The following LCOR variants were observed in gnomAD, a reference collection of about 807,000 sequenced individuals.
The protein encoded by LCOR is ligand dependent nuclear receptor corepressor.
In LCOR, 14 loss-of-function variants were observed where a neutral mutation model predicts 64.4. The ratio of observed to expected loss-of-function variants is 0.22; its 90% CI spans 0.14 to 0.34. The LOEUF is 0.34. Ranked by LOEUF, LCOR falls within the 10% of genes least tolerant of loss-of-function variation. The pLI is 1.00. For synonymous variants in LCOR, 643 were observed against 642.5 expected (o/e 1.00, Z -0.01); for missense variants, 1,686 against 1,765.3 (o/e 0.96, Z 0.80).
intron 7 of LCOR, chr10:96,958,755 T>G (rs1018374839): frequency 8.1e-5 from 22 of 270,510 alleles, no homozygotes; most frequent in African/African-American, 4.1e-4. Context: ...TCTCTTTCTC[T>G]CTCTTTTTTT....
rs1491204310 is a variant in LCOR, at chr10:96,989,696, T to TATATATATATATATA, written c.*4562_*4563insATATATATATATATA. 11 of 64,608 alleles carry TATATATATATATATA rather than the reference T, an allele frequency of 1.7e-4. No individual in the cohort carries two copies. Among genetic ancestry groups the TATATATATATATATA allele is most frequent in the African/African-American group, 4.4e-4 (4 of 9,048 alleles). The allele number at this position is 64,608 out of a possible 1,614,324, so 4.0% of individuals were successfully genotyped here. On this transcript the variant is annotated 3_prime_UTR_variant, in exon 8 of 8. Transcript: ENST00000421806. ...AAGGATATATATATATATATATATATTTTTTTTTTTTTTTTTTTTTTTTAA... is the reference window on the plus strand; with the variant it reads ...AAGGATATATATATATATATATATATATATATATATATATATTTTTTTTTTTTTTTTTTTTTTTAA...
At chr10:96,915,686 C>T (rs1345835273) in intron 4 of LCOR, 2 of 752,994 alleles carry the variant, frequency 2.7e-6, no homozygotes, top group African/African-American at 3.4e-5. Flanking sequence ...TTGGCATTTC[C>T]CATTTTCTAC....
At chr10:96,928,686 A>G (rs72819857) in intron 4 of LCOR, among the ~76,000 whole-genome samples, 6,642 of 152,268 alleles carry the variant, frequency 0.044, 220 homozygotes, top group East Asian at 0.18. Context: ...TAGAATGGCA[A>G]ATCTTTTCCG....
chr10:96,943,149 G>A (rs1847526012), intron 4 of LCOR, among the ~76,000 whole-genome samples: 1 of 152,144 alleles, frequency 6.6e-6, no homozygotes, highest in Admixed American at 6.5e-5. Flanking sequence ...ACCCAAGCTG[G>A]AGTGCAGTGG....
At chr10:96,934,892 G>A (rs1240854768) in intron 4 of LCOR, among the ~76,000 whole-genome samples, 2 of 152,130 alleles carry the variant, frequency 1.3e-5, no homozygotes, top group Admixed American at 6.5e-5. Flanking sequence ...GTGAGCCACC[G>A]CACCTGGTCT....
intron 2 of LCOR, among the ~76,000 whole-genome samples, chr10:96,867,524 G>A (rs1034327453): frequency 6.6e-6 from 1 of 152,108 alleles, no homozygotes; most frequent in African/African-American, 2.4e-5. Context: ...TTGAGCTGAG[G>A]AGATTAAGGC....
At chr10:96,879,323 A>G (rs548268118) in intron 2 of LCOR, among the ~76,000 whole-genome samples, 3 of 152,292 alleles carry the variant, frequency 2.0e-5, no homozygotes, top group Admixed American at 1.3e-4. Flanking sequence ...CAGTGCTTCA[A>G]GAGTTCACAT....
chr10:96,849,115 C>A (rs190805964), intron 2 of LCOR, among the ~76,000 whole-genome samples: 7 of 122,078 alleles, frequency 5.7e-5, no homozygotes, highest in African/African-American at 2.3e-4. Context: ...CCTCTATAGC[C>A]GAGGCTGGAG....
chr10:96,985,034 CAACGAA>C lies in LCOR; in HGVS notation c.4578_4583del (p.Lys1527_Thr1528del). On this transcript the variant is annotated inframe_deletion, in exon 8 of 8. Transcript: ENST00000421806. The stretch of plus-strand genomic sequence containing the variant: ...AGTGGAAAGACTCGGGCCAGACCCT[CAACGAA>C]AACCCCAGAGAGCAGTGCAGCTCAG... 1 of 1,614,198 alleles carries C rather than the reference CAACGAA, an allele frequency of 6.2e-7. No individual in the cohort carries two copies. The highest frequency in any genetic ancestry group is 8.5e-7 in the Non-Finnish European group (1 of 1,180,042).
chr10:96,979,634 C>G (rs1005426369), intron 7 of LCOR, among the ~76,000 whole-genome samples: 1 of 152,190 alleles, frequency 6.6e-6, no homozygotes, highest in African/African-American at 2.4e-5. Flanking sequence ...AATAAAGATA[C>G]AATACTACTA....
At position 96,835,003 on chromosome 10, in the gene LCOR, C is replaced by T. The variant is rs370858434; in HGVS notation, c.-330+1524C>T. On this transcript the variant is annotated intron_variant, in intron 2 of 7. Coordinates refer to ENST00000421806, the MANE Select transcript of LCOR (RefSeq NM_001346516.2). Reference sequence around the variant, plus strand: ...GCAACCTCCGCCTCCCAGGTTCAAGCGGTTCTTCTGCGTCAGCCTCCCGAG... The same window carrying T: ...GCAACCTCCGCCTCCCAGGTTCAAGTGGTTCTTCTGCGTCAGCCTCCCGAG... Among the ~76,000 whole-genome samples the T allele has an allele frequency of 2.4e-4, 36 of 152,286 alleles. No individual in the cohort carries two copies. In the East Asian group the frequency reaches 2.9e-3, roughly 12 times the overall value.
intron 4 of LCOR, among the ~76,000 whole-genome samples, chr10:96,942,994 A>G (rs555405657): frequency 1.4e-4 from 22 of 152,312 alleles, no homozygotes; most frequent in African/African-American, 4.1e-4. Flanking sequence ...GGTATTGCCA[A>G]CTTGGTCCAG....
In LCOR at chr10:96,833,417, C is replaced by G; in HGVS notation, c.-392C>G. 1.0e-6 allele frequency: 1 copy of G among 986,046 alleles called. No individual in the cohort carries two copies. The highest frequency in any genetic ancestry group is 1.2e-6 in the Non-Finnish European group (1 of 830,088). The allele number at this position is 986,046 out of a possible 1,614,324, so 61.1% of individuals were successfully genotyped here. ...TTTTCTCTCCCAAGGTCCCGTTTCCCTCTGTGCGGCGGCCGGCGGGACCAT... is the reference window on the plus strand; with the variant it reads ...TTTTCTCTCCCAAGGTCCCGTTTCCGTCTGTGCGGCGGCCGGCGGGACCAT... On this transcript the variant is annotated 5_prime_UTR_variant, in exon 2 of 8. Coordinates refer to ENST00000421806, the MANE Select transcript of LCOR (RefSeq NM_001346516.2).
intron 2 of LCOR, among the ~76,000 whole-genome samples, chr10:96,899,776 C>T (rs1043915423): frequency 2.6e-5 from 4 of 152,008 alleles, no homozygotes; most frequent in Admixed American, 6.6e-5. Flanking sequence ...AGTAAAATTT[C>T]GGCTTAAAAT....
At chr10:96,969,946 A>AT (rs751045855) in intron 7 of LCOR, among the ~76,000 whole-genome samples, 49,567 of 67,726 alleles carry the variant, frequency 0.73, 20,672 homozygotes, top group Non-Finnish European at 0.87. Context: ...CACCTGGATA[A>AT]TTTTTTTTTT....
chr10:96,884,239 T>G (rs1042473702), intron 2 of LCOR, among the ~76,000 whole-genome samples: 3 of 152,204 alleles, frequency 2.0e-5, no homozygotes, highest in African/African-American at 4.8e-5. Flanking sequence ...TAATGGAATG[T>G]GAGTCCATTT....
intron 2 of LCOR, among the ~76,000 whole-genome samples, chr10:96,857,397 T>A (rs1017919837): frequency 6.6e-6 from 1 of 152,190 alleles, no homozygotes; most frequent in Non-Finnish European, 1.5e-5. Context: ...TATATGTGGG[T>A]TAACAGTTGT....
chr10:96,834,098 C>G (rs1280511176), intron 2 of LCOR, among the ~76,000 whole-genome samples: 2 of 152,108 alleles, frequency 1.3e-5, no homozygotes, highest in Non-Finnish European at 2.9e-5. Context: ...AATCAGGTAA[C>G]CTTTACTTAA....
chr10:96,877,598 A>AT (rs57119025), intron 2 of LCOR, among the ~76,000 whole-genome samples: 709 of 65,696 alleles, frequency 0.011, 113 homozygotes, highest in South Asian at 0.019. Flanking sequence ...ATTTTTCTGA[A>AT]TTTTTTTTTT....
Sources: gnomAD v4.1 joint callset for allele counts (sites outside exome capture counted in the v4.1 genomes callset) on GRCh38, gnomAD v4.1.1 for gene constraint, MANE v1.5 for transcripts, NCBI Gene and HGNC (gene_info 2026-07-23, HGNC 2026-07-21) for gene names.